The following PEPD variants were observed in gnomAD, a reference collection of about 807,000 sequenced individuals.
The protein encoded by PEPD is peptidase D.
A neutral mutation model predicts 60.7 loss-of-function variants in PEPD; 53 were observed. The ratio of observed to expected loss-of-function variants is 0.87; its 90% CI spans 0.70 to 1.10. The LOEUF (loss-of-function observed/expected upper bound fraction) is 1.10, where lower values mean the gene tolerates loss of function less well. PEPD is among the 50% of genes least tolerant of loss of function. The pLI is 0.00. For missense variants in PEPD, 711 were observed against 711.9 expected (o/e 1.00, Z 0.01); for synonymous variants, 267 against 284.1 (o/e 0.94, Z 0.60).
chr19:33,387,761 G>T, intron 14 of PEPD, 129 bp downstream of exon 14: 1 of 851,646 alleles, frequency 1.2e-6, no homozygotes, highest in Non-Finnish European at 1.9e-6. Flanking sequence ...CAGACCACAC[G>T]AAGGGGCAGG....
chr19:33,388,249 TA>T lies in PEPD; in HGVS notation c.1153-169del, dbSNP rs1253919390. ...CTGTGCTGGGCCATGGGCACCCTGA[TA>T]AGACCTTCCACCCTGCACATACCCC... On this transcript the variant is annotated intron_variant, in intron 13 of 14. Coordinates refer to ENST00000244137, the MANE Select transcript of PEPD (RefSeq NM_000285.4). 5 of 707,426 alleles carry T rather than the reference TA, an allele frequency of 7.1e-6. No individual in the cohort carries two copies. In the Admixed American group the frequency reaches 1.0e-4, roughly 14 times the overall value. The allele number at this position is 707,426 out of a possible 1,614,324, so 43.8% of individuals were successfully genotyped here.
At chr19:33,480,333 C>G (rs1970290379) in intron 6 of PEPD, among the ~76,000 whole-genome samples, 1 of 152,090 alleles carries the variant, frequency 6.6e-6, no homozygotes, top group Non-Finnish European at 1.5e-5. Context: ...ATAATTAGGT[C>G]AATCCACAAA....
At chr19:33,482,031 AAACAAC>A (rs138807337) in intron 6 of PEPD, among the ~76,000 whole-genome samples, 1 of 151,730 alleles carries the variant, frequency 6.6e-6, no homozygotes, top group Non-Finnish European at 1.5e-5. Context: ...ACAAACAAAT[AAACAAC>A]AACAACAACA....
chr19:33,411,232 G>T (rs1340531340), intron 11 of PEPD, among the ~76,000 whole-genome samples: 1 of 152,210 alleles, frequency 6.6e-6, no homozygotes, highest in Non-Finnish European at 1.5e-5. Flanking sequence ...CCTGCAGCAG[G>T]AGGATGGCAG....
rs566470733 is a variant in PEPD, at chr19:33,457,153, C to T, written c.671+5842G>A. 4.0e-5 allele frequency among the ~76,000 whole-genome samples: 6 copies of T among 151,454 alleles called. No individual in the cohort carries two copies. In the South Asian group the frequency reaches 1.3e-3, roughly 32 times the overall value. On this transcript the variant is annotated intron_variant, in intron 9 of 14. Coordinates refer to ENST00000244137, the MANE Select transcript of PEPD (RefSeq NM_000285.4). The stretch of plus-strand genomic sequence containing the variant: ...GGATGAAAAGCAGAGGGTGCCAGGC[C>T]GGGCATAGTGGCTTATGCCTAGAAT...
At chr19:33,512,857 C>A (rs1600176836) in intron 1 of PEPD, 81 bp from the exon 2 acceptor site, 3 of 1,514,300 alleles carry the variant, frequency 2.0e-6, no homozygotes, top group Admixed American at 1.7e-5. Context: ...TCGGGGTGAC[C>A]GGAGGCCCGA....
intron 13 of PEPD, chr19:33,388,480 T>C (rs1968133431): frequency 2.8e-6 from 1 of 356,502 alleles, no homozygotes; most frequent in African/African-American, 2.1e-5. Flanking sequence ...TTAAGGCGGC[T>C]GTGAAGCCCC....
rs539655680 is a variant in PEPD, at chr19:33,413,636, C to T, written c.679G>A (p.Glu227Lys). 3.8e-6 allele frequency: 6 copies of T among 1,584,036 alleles called. No individual in the cohort carries two copies. The South Asian group carries it at 4.6e-5, about 12-fold the overall frequency. ...CCGCCCCGGGAGTAGCAGTAGTGCTCGAAGAGGCTGCAGGGGGAGAGACGC... is the reference window on the plus strand; with the variant it reads ...CCGCCCCGGGAGTAGCAGTAGTGCTTGAAGAGGCTGCAGGGGGAGAGACGC... ...MKEYELESLF[E>K]HYCYSRGGMR... The change falls in exon 10 of 15, where the codon GAG (glutamate) becomes AAG (lysine). Residue 227 changes from glutamate to lysine, a missense_variant. Coordinates refer to ENST00000244137, the MANE Select transcript of PEPD (RefSeq NM_000285.4).
At position 33,422,331 on chromosome 19, in the gene PEPD, CATCA is replaced by C. The variant is rs1303200030; in HGVS notation, c.672-8692_672-8689del. Among the ~76,000 whole-genome samples the C allele has an allele frequency of 7.9e-5, 12 of 152,080 alleles. No individual in the cohort carries two copies. The East Asian group carries it at 9.6e-4, about 12-fold the overall frequency. On this transcript the variant is annotated intron_variant, in intron 9 of 14. Coordinates refer to ENST00000244137, the MANE Select transcript of PEPD (RefSeq NM_000285.4). ...ATCTGACATGTTTATCTAGCTATCC[CATCA>C]ATCAATCAATCAATCATCTGCCTAT...
rs534119202 is a variant in PEPD at position 33,505,942 on chromosome 19, C to T, written c.330-4941G>A. Among the ~76,000 whole-genome samples the T allele has an allele frequency of 1.7e-3, 253 of 148,072 alleles. 2 individuals are homozygous for T. The highest frequency in any genetic ancestry group is 6.1e-3 in the African/African-American group (246 of 40,058). On this transcript the variant is annotated intron_variant, in intron 3 of 14. Coordinates refer to ENST00000244137, the MANE Select transcript of PEPD (RefSeq NM_000285.4). ...TCACAAACACCCTACACACTACACACACACCCAATACACCACACTCACACC... is the reference window on the plus strand; with the variant it reads ...TCACAAACACCCTACACACTACACATACACCCAATACACCACACTCACACC...
intron 9 of PEPD, among the ~76,000 whole-genome samples, chr19:33,450,455 C>G (rs180957405): frequency 1.3e-3 from 205 of 152,352 alleles, no homozygotes; most frequent in African/African-American, 4.7e-3. Context: ...CTAAAGATCT[C>G]TGGCAACAAA....
At chr19:33,500,090 C>G (rs997531540) in intron 4 of PEPD, among the ~76,000 whole-genome samples, 2 of 152,240 alleles carry the variant, frequency 1.3e-5, no homozygotes, top group Admixed American at 6.5e-5. Context: ...AATGTGGCTA[C>G]AGGATGGCCC....
intron 3 of PEPD, among the ~76,000 whole-genome samples, chr19:33,505,702 C>T (rs539167936): frequency 1.3e-5 from 2 of 151,784 alleles, no homozygotes; most frequent in East Asian, 1.9e-4. Flanking sequence ...CTACACAACA[C>T]ACACACCTGC....
chr19:33,485,619 T>C (rs957040430), intron 6 of PEPD, among the ~76,000 whole-genome samples: 1 of 152,102 alleles, frequency 6.6e-6, no homozygotes, highest in Non-Finnish European at 1.5e-5. Context: ...TTTAATAATG[T>C]CCCTCTACTT....
chr19:33,444,826 T>A (rs1600120711), intron 9 of PEPD, among the ~76,000 whole-genome samples: 1 of 152,132 alleles, frequency 6.6e-6, no homozygotes, highest in Non-Finnish European at 1.5e-5. Context: ...TCTCTCCACG[T>A]GGCAAGTGCC....
Position 33,463,987 on chromosome 19 carries a change from C to CTCACGGTGGGCCT in PEPD, c.611_623dup (p.Val209GlyfsTer4), listed in dbSNP as rs794728008. The stretch of plus-strand genomic sequence containing the variant: ...CAACCAGAGCCGGTGCCTGACTTAC[C>CTCACGGTGGGCCT]TCACGGTGGGCCTCGCTGGAGATTT... On this transcript the variant is annotated stop_gained and frameshift_variant and splice_region_variant, in exon 8 of 15. Transcript: ENST00000244137. LOFTEE classifies it high-confidence loss of function. 1.2e-6 allele frequency: 2 copies of CTCACGGTGGGCCT among 1,606,590 alleles called. No individual in the cohort carries two copies. The highest frequency in any genetic ancestry group is 1.7e-6 in the Non-Finnish European group (2 of 1,174,318).
At chr19:33,459,681 T>TC (rs1444687314) in intron 9 of PEPD, among the ~76,000 whole-genome samples, 1 of 151,862 alleles carries the variant, frequency 6.6e-6, no homozygotes, top group African/African-American at 2.4e-5. Context: ...CACTTTTTTT[T>TC]TTTAACATGC....
At chr19:33,471,408 C>T (rs373002453) in intron 7 of PEPD, among the ~76,000 whole-genome samples, 119 of 152,304 alleles carry the variant, frequency 7.8e-4, no homozygotes, top group African/African-American at 2.4e-3. Flanking sequence ...TCCAGCATTC[C>T]GCGCAGTTTC....
In PEPD at chr19:33,387,201, CTGTT is replaced by C; in HGVS notation, c.*139_*142del. ...AGTGTTTCCTCCCCGGGAAACAGCA[CTGTT>C]TGGTCTGATCAAATGCCGAAGCTGG... On this transcript the variant is annotated 3_prime_UTR_variant, in exon 15 of 15. Transcript: ENST00000244137. 1.1e-6 allele frequency: 1 copy of C among 945,624 alleles called. No individual in the cohort carries two copies. Among genetic ancestry groups the C allele is most frequent in the South Asian group, 1.5e-5 (1 of 68,956 alleles). 58.6% of individuals were successfully genotyped at this position (945,624 alleles called of 1,614,324 possible).
Sources: allele counts gnomAD v4.1 joint callset (sites outside exome capture counted in the v4.1 genomes callset), GRCh38; gene constraint gnomAD v4.1.1; transcripts MANE v1.5; gene names NCBI Gene and HGNC (gene_info 2026-07-23, HGNC 2026-07-21).